MSL2: variants seen among roughly 807,000 people sequenced by gnomAD.
MSL2 encodes the protein MSL complex subunit 2.
In MSL2, 2 loss-of-function variants were observed where a neutral mutation model predicts 35.8. The observed-to-expected ratio is 0.06, with a 90% CI of 0.02 to 0.18. The LOEUF (loss-of-function observed/expected upper bound fraction) is 0.18, where lower values mean the gene tolerates loss of function less well. MSL2 is among the 10% of genes least tolerant of loss of function. The probability of loss-of-function intolerance (pLI) is 1.00; values close to 1 mark genes in which losing one functional copy is unlikely to be tolerated. For missense variants in MSL2, 523 were observed against 706.7 expected, an observed-to-expected ratio of 0.74 and a Z score of 2.95; for synonymous variants, 296 against 255.7, an observed-to-expected ratio of 1.16 and a Z score of -1.50.
At chr3:136,162,877 C>G (rs1478828972) in intron 1 of MSL2, among the ~76,000 whole-genome samples, 1 of 151,960 alleles carries the variant, frequency 6.6e-6, no homozygotes, top group African/African-American at 2.4e-5. Flanking sequence ...TTTTCAGTAA[C>G]CACACTGTTG....
chr3:136,160,859 T>TG (rs2108067171), intron 1 of MSL2, among the ~76,000 whole-genome samples: 1 of 152,064 alleles, frequency 6.6e-6, no homozygotes, highest in South Asian at 2.1e-4. Flanking sequence ...GAGGACAAGA[T>TG]GGGCAGATCA....
At chr3:136,184,602 C>G (rs770797409) in intron 1 of MSL2, among the ~76,000 whole-genome samples, 1 of 151,576 alleles carries the variant, frequency 6.6e-6, no homozygotes, top group Non-Finnish European at 1.5e-5. Context: ...GACTCCGTCT[C>G]AAAAAAACAA....
chr3:136,169,182 C>A (rs1411537659), intron 1 of MSL2, among the ~76,000 whole-genome samples: 1 of 119,546 alleles, frequency 8.4e-6, no homozygotes, highest in Non-Finnish European at 1.6e-5. Context: ...CCAGGCAAAT[C>A]TTTCCTGTAC....
chr3:136,190,394 A>T (rs1299124690), intron 1 of MSL2, among the ~76,000 whole-genome samples: 3 of 152,162 alleles, frequency 2.0e-5, no homozygotes, highest in Non-Finnish European at 4.4e-5. Flanking sequence ...TACAAAAAAA[A>T]TTTTTAAATT....
chr3:136,164,766 C>A (rs1175790230), intron 1 of MSL2, among the ~76,000 whole-genome samples: 1 of 152,152 alleles, frequency 6.6e-6, no homozygotes, highest in Non-Finnish European at 1.5e-5. Context: ...CTGGTAGATT[C>A]TCCTATAAAA....
intron 1 of MSL2, among the ~76,000 whole-genome samples, chr3:136,159,236 T>C (rs577467664): frequency 4.6e-5 from 7 of 151,644 alleles, no homozygotes; most frequent in East Asian, 3.9e-4. Context: ...GACAAAAGTA[T>C]AGACACATGC....
At chr3:136,167,323 T>C (rs1939879353) in intron 1 of MSL2, among the ~76,000 whole-genome samples, 1 of 150,198 alleles carries the variant, frequency 6.7e-6, no homozygotes, top group African/African-American at 2.5e-5. Context: ...AAGTGAAAAA[T>C]GGTTTAGTTG....
At chr3:136,169,195 T>C (rs958718400) in intron 1 of MSL2, among the ~76,000 whole-genome samples, 2 of 116,178 alleles carry the variant, frequency 1.7e-5, no homozygotes, top group African/African-American at 6.7e-5. Flanking sequence ...TCCTGTACCA[T>C]GGGGGCATGG....
At chr3:136,183,123 T>TA (rs199993049) in intron 1 of MSL2, among the ~76,000 whole-genome samples, 6,026 of 151,696 alleles carry the variant, frequency 0.04, 170 homozygotes, top group South Asian at 0.069. Flanking sequence ...TTTTACAAGG[T>TA]AAAACTCACA....
rs910041482 is a variant in MSL2, at chr3:136,195,306, G to C, written c.-193C>G. 1.4e-6 allele frequency: 2 copies of C among 1,388,544 alleles called. No homozygotes were observed. The highest frequency in any genetic ancestry group is 3.4e-5 in the Admixed American group (1 of 29,472). 86.0% of individuals were successfully genotyped at this position (1,388,544 alleles called of 1,614,324 possible). ...ATCCTCCCACACATGGGGCCTTGGC[G>C]CCCCTCCGTCCCTGAGACTTCCAGA... is the stretch of plus-strand genomic sequence containing the variant. On this transcript the variant is annotated 5_prime_UTR_variant, in exon 1 of 2. Transcript: ENST00000309993.
chr3:136,192,457 G>A (rs1940717773), intron 1 of MSL2, among the ~76,000 whole-genome samples: 1 of 152,172 alleles, frequency 6.6e-6, no homozygotes, highest in Non-Finnish European at 1.5e-5. Flanking sequence ...GGGATTACAG[G>A]CACCTGGCCA....
chr3:136,162,106 T>C (rs528264771), intron 1 of MSL2, among the ~76,000 whole-genome samples: 34 of 151,832 alleles, frequency 2.2e-4, no homozygotes, highest in Non-Finnish European at 4.6e-4. Flanking sequence ...GCCTGGTTAA[T>C]TTTTTATTTT....
At chr3:136,164,719 G>A (rs748792825) in intron 1 of MSL2, among the ~76,000 whole-genome samples, 10 of 152,078 alleles carry the variant, frequency 6.6e-5, no homozygotes, top group Non-Finnish European at 8.8e-5. Context: ...AAATAAAATG[G>A]ATGGGCAATA....
chr3:136,155,822 T>A lies in MSL2; in HGVS notation c.143-3084A>T, dbSNP rs977340933. On this transcript the variant is annotated intron_variant, in intron 1 of 1. Transcript: ENST00000309993. Reference sequence around the variant, plus strand: ...CCGTGACACCCGGCTGCCCAAGAACTGTTCTATGTGTAAATGCTGGCATGG... The same window carrying A: ...CCGTGACACCCGGCTGCCCAAGAACAGTTCTATGTGTAAATGCTGGCATGG... 14 of 577,144 alleles carry A rather than the reference T, an allele frequency of 2.4e-5. No individual in the cohort carries two copies. The African/African-American group carries it at 2.6e-4, about 11-fold the overall frequency. 35.8% of individuals were successfully genotyped at this position (577,144 alleles called of 1,614,324 possible). A position where few individuals can be genotyped will look rare whatever the true frequency, so the allele number is the denominator to read the frequency against.
At chr3:136,188,879 T>C (rs1413513998) in intron 1 of MSL2, among the ~76,000 whole-genome samples, 3 of 151,894 alleles carry the variant, frequency 2.0e-5, no homozygotes, top group Non-Finnish European at 2.9e-5. Flanking sequence ...TAAACTATTA[T>C]TACCTTTTCA....
chr3:136,179,926 C>T (rs1185525999), intron 1 of MSL2, among the ~76,000 whole-genome samples: 4 of 151,998 alleles, frequency 2.6e-5, no homozygotes, highest in African/African-American at 4.8e-5. Context: ...ACTAGCCAGG[C>T]GTGGTGGCGG....
chr3:136,193,891 T>C (rs1417798447), intron 1 of MSL2, among the ~76,000 whole-genome samples: 1 of 152,212 alleles, frequency 6.6e-6, no homozygotes, highest in Admixed American at 6.5e-5. Context: ...CCACCTCTTC[T>C]GCACCCATTC....
intron 1 of MSL2, among the ~76,000 whole-genome samples, chr3:136,170,834 C>CA (rs1230192023): frequency 2.0e-5 from 3 of 151,874 alleles, no homozygotes; most frequent in South Asian, 2.1e-4. Context: ...CCAATCAGGC[C>CA]AAAAAAGAAT....
intron 1 of MSL2, among the ~76,000 whole-genome samples, chr3:136,172,061 T>C (rs935514674): frequency 1.3e-5 from 2 of 152,290 alleles, no homozygotes; most frequent in South Asian, 2.1e-4. Context: ...TCCACCCACC[T>C]TGGCCTCCCA....
Sources: gnomAD v4.1 joint callset for allele counts (sites outside exome capture counted in the v4.1 genomes callset) on GRCh38, gnomAD v4.1.1 for gene constraint, MANE v1.5 for transcripts, NCBI Gene and HGNC (gene_info 2026-07-23, HGNC 2026-07-21) for gene names.